The following ARID4A variants were observed in gnomAD, a reference collection of about 807,000 sequenced individuals.
ARID4A encodes the protein AT-rich interactive domain-containing protein 4A.
In ARID4A, 39 loss-of-function variants were observed where a neutral mutation model predicts 148.6. That is an observed-to-expected ratio of 0.26 (90% CI 0.20 to 0.34). ARID4A has a LOEUF of 0.34. ARID4A is among the 10% of genes least tolerant of loss of function. ARID4A has a pLI of 1.00. For synonymous variants in ARID4A, 475 were observed against 481.2 expected (o/e 0.99, Z 0.17); for missense variants, 1,265 against 1,449.1 (o/e 0.87, Z 2.06).
At chr14:58,315,807 T>TG (rs1429578470) in intron 5 of ARID4A, among the ~76,000 whole-genome samples, 1 of 152,236 alleles carries the variant, frequency 6.6e-6, no homozygotes, top group Admixed American at 6.5e-5. Flanking sequence ...TGGAGGATGT[T>TG]GTGTTTTAAC....
At chr14:58,337,246 T>TTTTATATATATATA (rs1555361740) in intron 11 of ARID4A, among the ~76,000 whole-genome samples, 1 of 83,818 alleles carries the variant, frequency 1.2e-5, no homozygotes, top group South Asian at 4.0e-4. Context: ...TTCTCTTTAT[T>TTTTATATATATATA]TATATATATA....
intron 3 of ARID4A, 77 bp from the exon 4 acceptor site, chr14:58,304,867 C>T: frequency 8.3e-7 from 1 of 1,197,962 alleles, no homozygotes; most frequent in Non-Finnish European, 1.2e-6. Flanking sequence ...AAATTAAAGA[C>T]ATTATTGTTA....
chr14:58,330,414 G>GT, intron 11 of ARID4A, among the ~76,000 whole-genome samples: 1 of 152,012 alleles, frequency 6.6e-6, no homozygotes, highest in Non-Finnish European at 1.5e-5. Context: ...GTGCAAACTG[G>GT]TTTTTTTGGG....
At chr14:58,312,287 G>T (rs2032100423) in intron 5 of ARID4A, among the ~76,000 whole-genome samples, 1 of 151,388 alleles carries the variant, frequency 6.6e-6, no homozygotes, top group Non-Finnish European at 1.5e-5. Flanking sequence ...CGCGATCTTG[G>T]CTCACTGTAA....
chr14:58,348,164 T>TTTA (rs2034463787), intron 15 of ARID4A, among the ~76,000 whole-genome samples: 1 of 152,212 alleles, frequency 6.6e-6, no homozygotes, highest in African/African-American at 2.4e-5. Flanking sequence ...CATTGAAGGC[T>TTTA]GTCTTGGTCA....
chr14:58,366,226 G>C lies in ARID4A; in HGVS notation c.3519G>C (p.Gln1173His). 2 of 1,611,392 alleles carry C rather than the reference G, an allele frequency of 1.2e-6. No homozygotes were observed. Among genetic ancestry groups the C allele is most frequent in the Non-Finnish European group, 1.7e-6 (2 of 1,177,848 alleles). The change falls in exon 22 of 24, where the codon CAG (glutamine) becomes CAC (histidine). Residue 1173 changes from glutamine (Q) to histidine (H), a missense_variant. Physicochemically the swap from Gln to His is conservative, Grantham distance 24. Around this residue, in one of 9 missense-constraint regions of ARID4A, gnomAD observed 666 missense variants for 730.9 expected, o/e 0.91. Transcript: ENST00000355431. ...CTAGGACATATAAATGGAGCTTTCA[G>C]CTCAGTAAGAAGCTTATAGAAAACT... Reference protein sequence around the residue: ...SSPRTYKWSFQLNELDNMNST... With the variant: ...SSPRTYKWSFHLNELDNMNST...
chr14:58,359,341 C>T, intron 18 of ARID4A, 125 bp downstream of exon 18: 1 of 770,598 alleles, frequency 1.3e-6, no homozygotes, highest in South Asian at 2.2e-5. Flanking sequence ...GTATATAGAC[C>T]TCCCATATAC....
intron 23 of ARID4A, among the ~76,000 whole-genome samples, chr14:58,371,082 GT>G (rs745490025): frequency 7.2e-4 from 110 of 152,202 alleles, no homozygotes; most frequent in South Asian, 8.3e-4. Context: ...TTGAGTCCAG[GT>G]GTTTGAGACC....
intron 9 of ARID4A, among the ~76,000 whole-genome samples, chr14:58,328,533 A>G (rs994498009): frequency 1.3e-5 from 2 of 152,156 alleles, no homozygotes; most frequent in African/African-American, 2.4e-5. Flanking sequence ...GAACAATATT[A>G]AGAACAGTTT....
chr14:58,315,096 G>A (rs1172475115), intron 5 of ARID4A, among the ~76,000 whole-genome samples: 1 of 152,152 alleles, frequency 6.6e-6, no homozygotes, highest in Non-Finnish European at 1.5e-5. Flanking sequence ...TCCAGCCTGG[G>A]TGACAGAATG....
intron 5 of ARID4A, 92 bp from the exon 6 acceptor site, chr14:58,318,450 G>C: frequency 8.4e-7 from 1 of 1,192,200 alleles, no homozygotes; most frequent in African/African-American, 1.5e-5. Flanking sequence ...CAAATATTAA[G>C]CTCTAATTAA....
intron 23 of ARID4A, among the ~76,000 whole-genome samples, chr14:58,369,629 A>AAG (rs901759924): frequency 2.6e-5 from 4 of 151,476 alleles, no homozygotes; most frequent in Non-Finnish European, 5.9e-5. Flanking sequence ...AAAAAAAAAA[A>AAG]AAAGTAGATT....
chr14:58,321,071 A>G (rs537355328), intron 7 of ARID4A, among the ~76,000 whole-genome samples: 5 of 152,334 alleles, frequency 3.3e-5, no homozygotes, highest in African/African-American at 9.6e-5. Context: ...AGTTTGTCCC[A>G]TATCTGGTGA....
intron 18 of ARID4A, among the ~76,000 whole-genome samples, chr14:58,360,360 C>T (rs1225436931): frequency 6.6e-6 from 1 of 152,178 alleles, no homozygotes; most frequent in African/African-American, 2.4e-5. Context: ...TTCAAGACCA[C>T]TATCTTTCTT....
In ARID4A at chr14:58,305,552, A is replaced by C. The variant is rs149980868; in HGVS notation, c.184-470A>C. ...AAAGAAGGTCAACTGGTCCATCCCT[A>C]TCTCTCCAGGTGAACCTTTATCTAA... On this transcript the variant is annotated intron_variant, in intron 4 of 23. Coordinates refer to ENST00000355431, the MANE Select transcript of ARID4A (RefSeq NM_002892.4). 6.7e-3 allele frequency among the ~76,000 whole-genome samples: 1,018 copies of C among 152,296 alleles called. 9 individuals are homozygous for C. The highest frequency in any genetic ancestry group is 0.022 in the African/African-American group (895 of 41,570).
At chr14:58,342,636 G>A (rs2034167921) in intron 11 of ARID4A, among the ~76,000 whole-genome samples, 1 of 152,208 alleles carries the variant, frequency 6.6e-6, no homozygotes, top group South Asian at 2.1e-4. Context: ...AATGAGGCCT[G>A]GTATAGTGGC....
At chr14:58,334,278 T>C (rs1270086760) in intron 11 of ARID4A, among the ~76,000 whole-genome samples, 1 of 152,206 alleles carries the variant, frequency 6.6e-6, no homozygotes, top group Admixed American at 6.5e-5. Context: ...AAATGACATC[T>C]TGATGATTAA....
intron 5 of ARID4A, among the ~76,000 whole-genome samples, chr14:58,310,888 G>T (rs2031977003): frequency 6.6e-6 from 1 of 151,840 alleles, no homozygotes; most frequent in Non-Finnish European, 1.5e-5. Flanking sequence ...TTAATACGGG[G>T]TTCATATCCA....
In ARID4A at chr14:58,306,809, G is replaced by T. The variant is rs928312987; in HGVS notation, c.274+697G>T. 7.9e-5 allele frequency among the ~76,000 whole-genome samples: 12 copies of T among 152,308 alleles called. No homozygotes were observed. The East Asian group carries it at 2.3e-3, about 29-fold the overall frequency. ...CAGGAGAATCGCTTGAACCTGGGAGGCGGAGGTTGCAATGAGCCCAGATCA... is the reference window on the plus strand; with the variant it reads ...CAGGAGAATCGCTTGAACCTGGGAGTCGGAGGTTGCAATGAGCCCAGATCA... On this transcript the variant is annotated intron_variant, in intron 5 of 23. Coordinates refer to ENST00000355431, the MANE Select transcript of ARID4A (RefSeq NM_002892.4).
Sources: gnomAD v4.1 joint callset for allele counts (sites outside exome capture counted in the v4.1 genomes callset) on GRCh38, gnomAD v4.1.1 for gene constraint, gnomAD v4.1.1 regional missense constraint, MANE v1.5 for transcripts, NCBI Gene and HGNC (gene_info 2026-07-23, HGNC 2026-07-21) for gene names.